The following MAML3 variants were observed in gnomAD, a reference collection of about 807,000 sequenced individuals.
MAML3 encodes mastermind-like protein 3.
Under a neutral mutation model 101.9 loss-of-function variants are expected in MAML3, and 27 were observed. That is an observed-to-expected ratio of 0.27 (90% CI 0.20 to 0.37). The LOEUF (loss-of-function observed/expected upper bound fraction) is 0.37. Ranked by LOEUF, MAML3 falls within the 10% of genes least tolerant of loss-of-function variation. MAML3 has a pLI of 1.00. For synonymous variants in MAML3, 501 were observed against 555.9 expected, an observed-to-expected ratio of 0.90 and a Z score of 1.39; for missense variants, 1,316 against 1,444.9, an observed-to-expected ratio of 0.91 and a Z score of 1.45.
chr4:140,125,884 T>C (rs2037449), intron 1 of MAML3, among the ~76,000 whole-genome samples: 30,397 of 152,064 alleles, frequency 0.2, 3,065 homozygotes, highest in East Asian at 0.33. Context: ...ATTCAAGCGA[T>C]TCTCCTGCCT....
chr4:140,098,259 C>T (rs577701549), intron 1 of MAML3, among the ~76,000 whole-genome samples: 11 of 152,122 alleles, frequency 7.2e-5, no homozygotes, highest in South Asian at 2.1e-4. Context: ...TTTTTGAATC[C>T]GAGCTCTATT....
At chr4:139,859,956 C>T (rs1731738677) in intron 2 of MAML3, among the ~76,000 whole-genome samples, 2 of 152,214 alleles carry the variant, frequency 1.3e-5, no homozygotes, top group South Asian at 4.1e-4. Flanking sequence ...GGTGCAAGGC[C>T]GGAGTGACCG....
At chr4:139,949,777 G>T (rs1237848761) in intron 1 of MAML3, among the ~76,000 whole-genome samples, 3 of 152,114 alleles carry the variant, frequency 2.0e-5, no homozygotes, top group African/African-American at 7.2e-5. Flanking sequence ...TTGTTAACTT[G>T]ACTGGGCTAT....
intron 2 of MAML3, among the ~76,000 whole-genome samples, chr4:139,856,685 A>C (rs893673602): frequency 6.6e-6 from 1 of 152,242 alleles, no homozygotes. Context: ...CTTTAAGAAA[A>C]TCGGCAATCT....
chr4:140,009,529 T>G (rs1726514407), intron 1 of MAML3, among the ~76,000 whole-genome samples: 1 of 152,338 alleles, frequency 6.6e-6, no homozygotes, highest in Non-Finnish European at 1.5e-5. Context: ...GACCAATGTT[T>G]AAGAATCATT....
At chr4:139,818,865 T>C (rs1560803510) in intron 2 of MAML3, among the ~76,000 whole-genome samples, 1 of 152,208 alleles carries the variant, frequency 6.6e-6, no homozygotes, top group Non-Finnish European at 1.5e-5. Context: ...CCCAAGGTCA[T>C]ATTTCTTCAT....
At chr4:139,783,255 G>T (rs781130589) in intron 2 of MAML3, among the ~76,000 whole-genome samples, 16 of 152,180 alleles carry the variant, frequency 1.1e-4, no homozygotes, top group Non-Finnish European at 2.2e-4. Flanking sequence ...GTCTTCACCA[G>T]GCAGATGGCT....
chr4:139,792,286 T>C (rs1227520121), intron 2 of MAML3, among the ~76,000 whole-genome samples: 1 of 152,162 alleles, frequency 6.6e-6, no homozygotes, highest in East Asian at 1.9e-4. Flanking sequence ...CTTCCTCCTA[T>C]AACAATGAGC....
intron 2 of MAML3, among the ~76,000 whole-genome samples, chr4:139,878,597 C>T (rs1390908214): frequency 1.3e-5 from 2 of 152,078 alleles, no homozygotes; most frequent in Non-Finnish European, 2.9e-5. Context: ...TGTGAGTGCA[C>T]TGGGTAGGGG....
At chr4:139,800,987 T>C (rs142780020) in intron 2 of MAML3, among the ~76,000 whole-genome samples, 1 of 152,312 alleles carries the variant, frequency 6.6e-6, no homozygotes, top group Non-Finnish European at 1.5e-5. Context: ...GGTAGGGAGA[T>C]TTGTCAGGGA....
At chr4:139,906,918 T>C (rs574362567) in intron 1 of MAML3, among the ~76,000 whole-genome samples, 10 of 152,294 alleles carry the variant, frequency 6.6e-5, no homozygotes, top group Admixed American at 6.5e-4. Flanking sequence ...AGAGATATTT[T>C]TGAAGTCATG....
At chr4:139,961,457 T>C (rs1734012814) in intron 1 of MAML3, among the ~76,000 whole-genome samples, 1 of 152,160 alleles carries the variant, frequency 6.6e-6, no homozygotes. Flanking sequence ...CGAAACAGAA[T>C]GGGGGAGGAC....
chr4:139,771,052 C>T (rs1729968474), intron 2 of MAML3, among the ~76,000 whole-genome samples: 1 of 152,208 alleles, frequency 6.6e-6, no homozygotes, highest in Non-Finnish European at 1.5e-5. Flanking sequence ...ACACCACACC[C>T]TCCTTCTGGA....
chr4:139,738,282 G>A (rs564546669), intron 2 of MAML3, among the ~76,000 whole-genome samples: 20 of 152,348 alleles, frequency 1.3e-4, no homozygotes, highest in African/African-American at 4.3e-4. Flanking sequence ...GGTGGCTCAC[G>A]CCTGTAATCC....
intron 1 of MAML3, among the ~76,000 whole-genome samples, chr4:139,913,356 C>G (rs1732966982): frequency 1.3e-5 from 2 of 152,114 alleles, no homozygotes; most frequent in African/African-American, 4.8e-5. Context: ...AAGTATGGCT[C>G]TTACTTCACC....
chr4:139,858,994 T>C (rs1171410628), intron 2 of MAML3, among the ~76,000 whole-genome samples: 2 of 152,252 alleles, frequency 1.3e-5, no homozygotes, highest in Non-Finnish European at 2.9e-5. Flanking sequence ...AACAGAAGTT[T>C]GAGGTATATC....
At chr4:139,970,380 C>T (rs535434703) in intron 1 of MAML3, among the ~76,000 whole-genome samples, 99 of 152,270 alleles carry the variant, frequency 6.5e-4, no homozygotes, top group Non-Finnish European at 1.3e-3. Context: ...GGGATTGAAG[C>T]ACAGTCTGTG....
chr4:139,774,213 C>T (rs768231524), intron 2 of MAML3, among the ~76,000 whole-genome samples: 7 of 152,220 alleles, frequency 4.6e-5, no homozygotes, highest in Non-Finnish European at 1.0e-4. Flanking sequence ...CAAAATGTTC[C>T]TGACCTTGAC....
At chr4:139,949,282 TG>T (rs985911799) in intron 1 of MAML3, among the ~76,000 whole-genome samples, 38 of 152,240 alleles carry the variant, frequency 2.5e-4, no homozygotes, top group African/African-American at 8.4e-4. Flanking sequence ...CCCAAAGTGC[TG>T]GGATTACAGG....
Sources: gnomAD v4.1 joint callset for allele counts (sites outside exome capture counted in the v4.1 genomes callset) on GRCh38, gnomAD v4.1.1 for gene constraint, MANE v1.5 for transcripts, NCBI Gene and HGNC (gene_info 2026-07-23, HGNC 2026-07-21) for gene names.